PDE10A: variants seen among roughly 807,000 people sequenced by gnomAD.
PDE10A encodes phosphodiesterase 10A, also known as cAMP and cAMP-inhibited cGMP 3',5'-cyclic phosphodiesterase 10A.
PDE10A carries 39 observed loss-of-function variants against 97.7 expected under a neutral mutation model. The ratio of observed to expected loss-of-function variants is 0.40; its 90% CI spans 0.31 to 0.52. PDE10A has a LOEUF of 0.52. PDE10A is among the 20% of genes least tolerant of loss of function. PDE10A has a pLI of 0.56. For missense variants in PDE10A, 731 were observed against 1,047.8 expected (o/e 0.70, Z 4.17); for synonymous variants, 371 against 376.8 (o/e 0.98, Z 0.18).
At chr6:165,849,865 C>T (rs1038025891) in intron 1 of PDE10A, among the ~76,000 whole-genome samples, 3 of 152,172 alleles carry the variant, frequency 2.0e-5, no homozygotes, top group African/African-American at 7.2e-5. Flanking sequence ...AAAAGTTGCA[C>T]AAGTGTTCTC....
In PDE10A at chr6:165,543,554, T is replaced by C; in HGVS notation, c.880A>G (p.Lys294Glu). Residue 294 changes from lysine to glutamate, a missense_variant, in exon 2 of 22, where the codon AAA (lysine) becomes GAA (glutamate). By Grantham distance (56) the Lys-to-Glu change is moderately conservative. Transcript: ENST00000539869. ...CFLSPSLTDE[K>E]VKAYLSLHPQ... ...TGAAGAGAAAGATATGCCTTCACTT[T>C]TTCATCTGTCAAACCTGTAAAAGAA... 1.2e-6 allele frequency: 2 copies of C among 1,609,932 alleles called. No homozygotes were observed. The highest frequency in any genetic ancestry group is 8.5e-7 in the Non-Finnish European group (1 of 1,177,814).
chr6:165,522,293 C>A (rs1233352189), intron 2 of PDE10A, among the ~76,000 whole-genome samples: 2 of 152,260 alleles, frequency 1.3e-5, no homozygotes, highest in African/African-American at 4.8e-5. Flanking sequence ...CTCTGTAACT[C>A]ATTCTACAAA....
At chr6:165,606,094 G>A (rs908306290) in intron 1 of PDE10A, among the ~76,000 whole-genome samples, 3 of 147,992 alleles carry the variant, frequency 2.0e-5, no homozygotes, top group South Asian at 2.2e-4. Flanking sequence ...TGGGGAGAGC[G>A]CAGTCATTAG....
At chr6:165,372,783 C>A (rs1030503167) in intron 18 of PDE10A, among the ~76,000 whole-genome samples, 1 of 140,132 alleles carries the variant, frequency 7.1e-6, no homozygotes, top group African/African-American at 2.8e-5. Flanking sequence ...CAATCCTAAG[C>A]CAAAAGAACA....
chr6:165,395,869 T>C (rs1786120860), intron 14 of PDE10A, among the ~76,000 whole-genome samples: 2 of 152,174 alleles, frequency 1.3e-5, no homozygotes, highest in African/African-American at 4.8e-5. Flanking sequence ...TCATAGGCCC[T>C]ACCCTCTAGT....
chr6:165,569,829 G>A (rs1011342660), intron 1 of PDE10A, among the ~76,000 whole-genome samples: 1 of 152,160 alleles, frequency 6.6e-6, no homozygotes, highest in African/African-American at 2.4e-5. Flanking sequence ...ACCCACATAT[G>A]TTCTTTGCTG....
intron 1 of PDE10A, among the ~76,000 whole-genome samples, chr6:165,702,949 C>T (rs190668656): frequency 9.3e-4 from 142 of 152,368 alleles, no homozygotes; most frequent in African/African-American, 3.0e-3. Flanking sequence ...TGACCCACCA[C>T]AGTGAGCTCC....
At chr6:165,962,261 C>A (rs1048437786) in intron 1 of PDE10A, among the ~76,000 whole-genome samples, 1 of 152,216 alleles carries the variant, frequency 6.6e-6, no homozygotes, top group Non-Finnish European at 1.5e-5. Context: ...CCTCAGGGGC[C>A]CCACTACAGG....
intron 2 of PDE10A, among the ~76,000 whole-genome samples, chr6:165,485,838 C>T (rs1583384890): frequency 6.6e-6 from 1 of 152,128 alleles, no homozygotes; most frequent in South Asian, 2.1e-4. Context: ...AGATGATCCA[C>T]CCTCCTCAGC....
At chr6:165,972,623 A>G (rs925702108) in intron 1 of PDE10A, among the ~76,000 whole-genome samples, 1 of 152,188 alleles carries the variant, frequency 6.6e-6, no homozygotes, top group African/African-American at 2.4e-5. Flanking sequence ...AGGAGTCTCC[A>G]GTGGCACTGA....
At chr6:165,891,334 C>T (rs1781788756) in intron 1 of PDE10A, among the ~76,000 whole-genome samples, 2 of 152,316 alleles carry the variant, frequency 1.3e-5, no homozygotes, top group South Asian at 4.1e-4. Flanking sequence ...TCAGGTGCCA[C>T]CAGGGCCCAG....
intron 10 of PDE10A, among the ~76,000 whole-genome samples, chr6:165,420,112 C>T (rs577491775): frequency 6.6e-6 from 1 of 152,334 alleles, no homozygotes; most frequent in South Asian, 2.1e-4. Flanking sequence ...GCAGAAACCA[C>T]TTCTCTTTTC....
chr6:165,436,679 A>G (rs1562466000), intron 5 of PDE10A, among the ~76,000 whole-genome samples: 1 of 152,224 alleles, frequency 6.6e-6, no homozygotes, highest in Non-Finnish European at 1.5e-5. Flanking sequence ...ATGTTTAAAT[A>G]GAAAGTATAC....
intron 3 of PDE10A, among the ~76,000 whole-genome samples, chr6:165,475,267 A>C (rs935006483): frequency 2.6e-5 from 4 of 152,242 alleles, no homozygotes; most frequent in African/African-American, 9.6e-5. Context: ...ATATGGTCAT[A>C]AGTATTAATA....
At chr6:165,691,562 C>T (rs7775567) in intron 1 of PDE10A, among the ~76,000 whole-genome samples, 108,147 of 151,398 alleles carry the variant, frequency 0.71, 40,733 homozygotes, top group Non-Finnish European at 0.85. Context: ...TGACTGTACA[C>T]GTGCCCATGC....
chr6:165,608,732 T>C (rs1380899405), intron 1 of PDE10A, among the ~76,000 whole-genome samples: 10 of 152,200 alleles, frequency 6.6e-5, no homozygotes, highest in Non-Finnish European at 1.2e-4. Context: ...CCACCAACAG[T>C]GTAAAAGTGT....
At chr6:165,367,661 G>GA (rs11343819) in intron 18 of PDE10A, among the ~76,000 whole-genome samples, 13 of 146,210 alleles carry the variant, frequency 8.9e-5, no homozygotes, top group East Asian at 2.1e-4. Context: ...TCAGGAGGGG[G>GA]AAAAAAAAAA....
At position 165,558,565 on chromosome 6, in the gene PDE10A, T is replaced by C. The variant is rs555944464; in HGVS notation, c.866-14997A>G. Among the ~76,000 whole-genome samples the C allele has an allele frequency of 7.9e-5, 12 of 152,344 alleles. No individual in the cohort carries two copies. The South Asian group carries it at 2.1e-3, about 26-fold the overall frequency. ...TATAAATAAGCTGTCATATTTTTTCTTTCTTTGCTCGCAAATATACCTTCT... is the reference window on the plus strand; with the variant it reads ...TATAAATAAGCTGTCATATTTTTTCCTTCTTTGCTCGCAAATATACCTTCT... On this transcript the variant is annotated intron_variant, in intron 1 of 21. Coordinates refer to ENST00000539869, the MANE Select transcript of PDE10A (RefSeq NM_001385079.1).
chr6:165,592,603 G>A (rs1338574955), intron 1 of PDE10A, among the ~76,000 whole-genome samples: 4 of 151,672 alleles, frequency 2.6e-5, no homozygotes, highest in Admixed American at 6.6e-5. Context: ...ACAAATTTAC[G>A]AGAAAAAAAC....
Sources: allele counts gnomAD v4.1 joint callset (sites outside exome capture counted in the v4.1 genomes callset), GRCh38; gene constraint gnomAD v4.1.1; transcripts MANE v1.5; gene names NCBI Gene and HGNC (gene_info 2026-07-23, HGNC 2026-07-21).